Variants in PCDHGA4 observed in about 807,000 individuals in gnomAD.
The protein encoded by PCDHGA4 is protocadherin gamma-A4.
A neutral mutation model predicts 54.6 loss-of-function variants in PCDHGA4; 38 were observed. The ratio of observed to expected loss-of-function variants is 0.70; its 90% CI spans 0.54 to 0.91. The LOEUF is 0.91. Ranked by LOEUF, PCDHGA4 falls within the 40% of genes least tolerant of loss-of-function variation. The probability of loss-of-function intolerance (pLI) is 0.00; values close to 1 mark genes in which losing one functional copy is unlikely to be tolerated. For missense variants in PCDHGA4, 1,298 were observed against 1,220.9 expected, an observed-to-expected ratio of 1.06 and a Z score of -0.94; for synonymous variants, 511 against 512.9, an observed-to-expected ratio of 1.00 and a Z score of 0.05.
At position 141,357,494 on chromosome 5, in the gene PCDHGA4, A is replaced by G. The variant is rs371787543; in HGVS notation, c.2387A>G (p.Lys796Arg). 1.9e-6 allele frequency: 3 copies of G among 1,614,142 alleles called. No homozygotes were observed. The African/African-American group carries it at 4.0e-5, about 22-fold the overall frequency. The change falls in exon 1 of 4, where the codon AAG (lysine) becomes AGG (arginine). Residue 796 changes from lysine to arginine, a missense_variant. Lys to Arg is a conservative substitution (Grantham distance 26, BLOSUM62 2). Coordinates refer to ENST00000571252, the MANE Select transcript of PCDHGA4 (RefSeq NM_018917.4). Reference sequence around the variant, plus strand: ...GTCTCCCTCACCGCGGACTCGCGGAAGAGTCACCTGATCTTCTCCCAACCC... The same window carrying G: ...GTCTCCCTCACCGCGGACTCGCGGAGGAGTCACCTGATCTTCTCCCAACCC... ...HEVSLTADSR[K>R]SHLIFSQPSY...
At chr5:141,384,331 G>C (rs376216978) in intron 1 of PCDHGA4, 1 of 1,613,728 alleles carries the variant, frequency 6.2e-7, no homozygotes, top group Non-Finnish European at 8.5e-7. Flanking sequence ...GACTGCACAG[G>C]ACCACGACAG....
Position 141,486,862 on chromosome 5 carries a change from A to G in PCDHGA4, c.2515-7945A>G. The G allele has an allele frequency of 6.2e-7, 1 of 1,614,256 alleles. No individual in the cohort carries two copies. The highest frequency in any genetic ancestry group is 1.3e-5 in the African/African-American group (1 of 75,078). On this transcript the variant is annotated intron_variant, in intron 1 of 3. Transcript: ENST00000571252. This position sits in a 1 kb window ranked among gnomAD's most constrained non-coding sequence, Gnocchi z 5.0. Reference sequence around the variant, plus strand: ...TGCTGGACCTCAATGACAATGCTCCAGCTGTGCTCCGTCCTCGGGCCCGGC... The same window carrying G: ...TGCTGGACCTCAATGACAATGCTCCGGCTGTGCTCCGTCCTCGGGCCCGGC...
chr5:141,466,809 CA>C (rs1454424644), intron 1 of PCDHGA4, among the ~76,000 whole-genome samples: 1 of 152,102 alleles, frequency 6.6e-6, no homozygotes, highest in Non-Finnish European at 1.5e-5. Flanking sequence ...CCTATTCAGA[CA>C]TGGTATAACA....
chr5:141,433,313 C>T (rs2097582516), intron 1 of PCDHGA4: 5 of 866,388 alleles, frequency 5.8e-6, no homozygotes, highest in Admixed American at 2.8e-5. Context: ...CCCACCTTTG[C>T]CTCCGGTGTA....
Position 141,486,397 on chromosome 5 carries a change from G to A in PCDHGA4, c.2515-8410G>A, listed in dbSNP as rs778989869. The A allele has an allele frequency of 5.0e-6, 8 of 1,614,046 alleles. No individual in the cohort carries two copies. The South Asian group carries it at 7.7e-5, about 16-fold the overall frequency. ...CCTTCAGGAACCAGTTCTCCCTGGT[G>A]ACTGCTGGACCCTTGGATCGAGAGG... On this transcript the variant is annotated intron_variant, in intron 1 of 3. Transcript: ENST00000571252. The surrounding 1 kb of genome is among the most constrained non-coding windows in gnomAD (Gnocchi z 5.0).
Position 141,356,101 on chromosome 5 carries a change from A to G in PCDHGA4, c.994A>G (p.Ile332Val), listed in dbSNP as rs573376622. 7.4e-6 allele frequency: 12 copies of G among 1,613,918 alleles called. No individual in the cohort carries two copies. In the African/African-American group the frequency reaches 9.3e-5, roughly 13 times the overall value. The change falls in exon 1 of 4, where the codon ATA becomes GTA. Residue 332 changes from isoleucine (I) to valine (V), a missense_variant. Ile to Val is a conservative substitution (Grantham distance 29). Transcript: ENST00000571252. ...LFQLNSLSGD[I>V]TILGGLDYED... The stretch of plus-strand genomic sequence containing the variant: ...TCAGTTGAATTCTCTGAGTGGGGAT[A>G]TAACAATATTGGGGGGTCTAGATTA...
Position 141,490,479 on chromosome 5 carries a change from C to A in PCDHGA4, c.2515-4328C>A. 6.2e-7 allele frequency: 1 copy of A among 1,614,216 alleles called. No homozygotes were observed. Among genetic ancestry groups the A allele is most frequent in the South Asian group, 1.1e-5 (1 of 91,086 alleles). On this transcript the variant is annotated intron_variant, in intron 1 of 3. Transcript: ENST00000571252. The surrounding 1 kb of genome is among the most constrained non-coding windows in gnomAD (Gnocchi z 5.4). ...CGCTGCTAACCAGCCAGCCTTTGGA[C>A]CGGGAGGCCACATCCCACTATATCA...
chr5:141,478,199 C>T lies in PCDHGA4; in HGVS notation c.2515-16608C>T, dbSNP rs759439765. 3.7e-6 allele frequency: 6 copies of T among 1,614,056 alleles called. No homozygotes were observed. The Middle Eastern group carries it at 6.6e-4, about 178-fold the overall frequency. On this transcript the variant is annotated intron_variant, in intron 1 of 3. Coordinates refer to ENST00000571252, the MANE Select transcript of PCDHGA4 (RefSeq NM_018917.4). ...GAAAAAAAATCTCACCTTTTATCTA[C>T]TTCTTTCTCTAATCCTGGTTTCTGT...
chr5:141,413,725 C>A, intron 1 of PCDHGA4: 1 of 1,613,546 alleles, frequency 6.2e-7, no homozygotes, highest in Non-Finnish European at 8.5e-7. Flanking sequence ...GCACTTCTCC[C>A]TAAGAGTTCA....
chr5:141,486,322 A>G lies in PCDHGA4; in HGVS notation c.2515-8485A>G. The G allele has an allele frequency of 1.9e-6, 3 of 1,613,926 alleles. No homozygotes were observed. The highest frequency in any genetic ancestry group is 2.5e-6 in the Non-Finnish European group (3 of 1,179,962). On this transcript the variant is annotated intron_variant, in intron 1 of 3. Coordinates refer to ENST00000571252, the MANE Select transcript of PCDHGA4 (RefSeq NM_018917.4). This position sits in a 1 kb window ranked among gnomAD's most constrained non-coding sequence, Gnocchi z 5.0. ...AGGATCCAGACTCAGGGTCAAACGG[A>G]GATGTGAGCCTCCGCATTCCTGACC...
chr5:141,494,674 C>A lies in PCDHGA4; in HGVS notation c.2515-133C>A, dbSNP rs532644387. ...ATTTTGTCTTTGGAGATGAGTCCAC[C>A]CCTGCCCCCTCTTAGTCCGTTTTCT... is the stretch of plus-strand genomic sequence containing the variant. On this transcript the variant is annotated intron_variant, in intron 1 of 3. Transcript: ENST00000571252. 3.4e-5 allele frequency: 53 copies of A among 1,545,802 alleles called. No homozygotes were observed. In the African/African-American group the frequency reaches 6.5e-4, roughly 19 times the overall value.
At chr5:141,407,856 G>A (rs1038275806) in intron 1 of PCDHGA4, among the ~76,000 whole-genome samples, 2 of 152,210 alleles carry the variant, frequency 1.3e-5, no homozygotes, top group African/African-American at 4.8e-5. Context: ...ATGTACACCT[G>A]CATTTTCGAA....
rs1484954022 is a variant in PCDHGA4 at position 141,511,920 on chromosome 5, T to C, written c.*747T>C. 1 of 156,200 alleles carries C rather than the reference T, an allele frequency of 6.4e-6. No individual in the cohort carries two copies. Among genetic ancestry groups the C allele is most frequent in the Non-Finnish European group, 1.4e-5 (1 of 70,262 alleles). The allele number at this position is 156,200 out of a possible 1,614,324, so 9.7% of individuals were successfully genotyped here. The stretch of plus-strand genomic sequence containing the variant: ...CTCCTCCTCAAACAAGAGACTCCAC[T>C]GCATGTTCCAAGACAGTATGGGGTG... On this transcript the variant is annotated 3_prime_UTR_variant, in exon 4 of 4. Coordinates refer to ENST00000571252, the MANE Select transcript of PCDHGA4 (RefSeq NM_018917.4).
chr5:141,477,223 T>C lies in PCDHGA4; in HGVS notation c.2515-17584T>C. The C allele has an allele frequency of 6.2e-7, 1 of 1,614,198 alleles. No homozygotes were observed. On this transcript the variant is annotated intron_variant, in intron 1 of 3. Coordinates refer to ENST00000571252, the MANE Select transcript of PCDHGA4 (RefSeq NM_018917.4). This position sits in a 1 kb window ranked among gnomAD's most constrained non-coding sequence, Gnocchi z 4.9. ...TACCCGAGGATGCCCCTCTGGGGAC[T>C]GTCATCGCTTTGCTCAGTGTGACTG... is the stretch of plus-strand genomic sequence containing the variant.
At chr5:141,386,407 G>T (rs2090565915) in intron 1 of PCDHGA4, among the ~76,000 whole-genome samples, 1 of 152,034 alleles carries the variant, frequency 6.6e-6, no homozygotes, top group Non-Finnish European at 1.5e-5. Flanking sequence ...GCCAGGTATG[G>T]TGTTGCAAGC....
At chr5:141,412,906 T>G in intron 1 of PCDHGA4, 1 of 384,208 alleles carries the variant, frequency 2.6e-6, no homozygotes, top group Non-Finnish European at 4.6e-6. Context: ...TTCCATTGCA[T>G]GTATCACTTG....
chr5:141,388,908 G>T, intron 1 of PCDHGA4: 2 of 1,613,892 alleles, frequency 1.2e-6, no homozygotes, highest in East Asian at 2.2e-5. Context: ...AAATGACAAC[G>T]CCCCAGAAGT....
Position 141,456,898 on chromosome 5 carries a change from G to A in PCDHGA4, c.2515-37909G>A, listed in dbSNP as rs1046778634. 3.9e-5 allele frequency among the ~76,000 whole-genome samples: 6 copies of A among 152,284 alleles called. No individual in the cohort carries two copies. The South Asian group carries it at 6.2e-4, about 16-fold the overall frequency. On this transcript the variant is annotated intron_variant, in intron 1 of 3. Transcript: ENST00000571252. ...GAATCGCTTGAACCCGGGAGGCAGA[G>A]GTTGCAGTGAGCCGAGATCGCACCA...
chr5:141,395,317 A>G, intron 1 of PCDHGA4: 1 of 1,488,840 alleles, frequency 6.7e-7, no homozygotes, highest in Non-Finnish European at 9.0e-7. Flanking sequence ...AACATTGTGA[A>G]GATAGTTGAA....
Sources: gnomAD v4.1 joint callset for allele counts (sites outside exome capture counted in the v4.1 genomes callset) on GRCh38, gnomAD v4.1.1 for gene constraint, Gnocchi (gnomAD v3.1) non-coding constraint, MANE v1.5 for transcripts, NCBI Gene and HGNC (gene_info 2026-07-23, HGNC 2026-07-21) for gene names.